The following SYCP2L variants were observed in gnomAD, a reference collection of about 807,000 sequenced individuals.
SYCP2L encodes the protein synaptonemal complex protein 2 like.
SYCP2L carries 98 observed loss-of-function variants against 125.8 expected under a neutral mutation model. That is an observed-to-expected ratio of 0.78 (90% CI 0.66 to 0.92). The LOEUF (loss-of-function observed/expected upper bound fraction) is 0.92, where lower values mean the gene tolerates loss of function less well. Ranked by LOEUF, SYCP2L falls within the 40% of genes least tolerant of loss-of-function variation. The pLI, the probability that SYCP2L is intolerant of heterozygous loss-of-function variation, is 0.00. For missense variants in SYCP2L, 842 were observed against 936.4 expected (o/e 0.90, Z 1.32); for synonymous variants, 317 against 325.4 (o/e 0.97, Z 0.28).
chr6:10,946,202 T>C (rs1183727898), intron 23 of SYCP2L, among the ~76,000 whole-genome samples: 1 of 152,160 alleles, frequency 6.6e-6, no homozygotes, highest in Non-Finnish European at 1.5e-5. Context: ...TTTGCATAAG[T>C]ATTTTTATTG....
At chr6:10,953,426 A>C (rs1781445655) in intron 23 of SYCP2L, among the ~76,000 whole-genome samples, 1 of 152,152 alleles carries the variant, frequency 6.6e-6, no homozygotes, top group South Asian at 2.1e-4. Flanking sequence ...AATTTGTAGC[A>C]ATAGCCCAAA....
At position 10,954,407 on chromosome 6, in the gene SYCP2L, AGAGG is replaced by A. The variant is rs1327680833; in HGVS notation, c.1955-702_1955-699del. On this transcript the variant is annotated intron_variant, in intron 23 of 29. Coordinates refer to ENST00000283141, the MANE Select transcript of SYCP2L (RefSeq NM_001040274.3). This position sits in a 1 kb window ranked among gnomAD's most constrained non-coding sequence, Gnocchi z 4.8. The stretch of plus-strand genomic sequence containing the variant: ...GAGATGGCTTTGGGCAGGAACTCAG[AGAGG>A]GAGGGATTCATTCCATAGGCAGAAC... Among the ~76,000 whole-genome samples the A allele has an allele frequency of 1.3e-5, 2 of 152,122 alleles. No homozygotes were observed. The highest frequency in any genetic ancestry group is 2.9e-5 in the Non-Finnish European group (2 of 68,010).
chr6:10,939,808 T>C (rs917657596), intron 21 of SYCP2L, among the ~76,000 whole-genome samples: 2 of 152,230 alleles, frequency 1.3e-5, no homozygotes, highest in African/African-American at 2.4e-5. Flanking sequence ...TAGCAATGAT[T>C]TCTTGCATAC....
chr6:10,919,763 G>T (rs1423694273), intron 14 of SYCP2L, among the ~76,000 whole-genome samples: 3 of 152,126 alleles, frequency 2.0e-5, no homozygotes, highest in Non-Finnish European at 4.4e-5. Context: ...CTGCTGTGGG[G>T]ATATGGGTGA....
At chr6:10,966,195 A>G (rs542393977) in intron 29 of SYCP2L, among the ~76,000 whole-genome samples, 1 of 152,346 alleles carries the variant, frequency 6.6e-6, no homozygotes, top group East Asian at 1.9e-4. Context: ...AACAGAATTT[A>G]GCAGCATATT....
At chr6:10,971,727 G>A (rs1042270667) in intron 29 of SYCP2L, among the ~76,000 whole-genome samples, 5 of 151,906 alleles carry the variant, frequency 3.3e-5, no homozygotes, top group Non-Finnish European at 5.9e-5. Flanking sequence ...TCTTGTTGCC[G>A]AGGCTGGAGT....
intron 9 of SYCP2L, among the ~76,000 whole-genome samples, chr6:10,906,442 C>G (rs1780491435): frequency 6.6e-6 from 1 of 152,180 alleles, no homozygotes; most frequent in South Asian, 2.1e-4. Context: ...CCCTAAACAA[C>G]ATGCATTATC....
chr6:10,926,267 T>C, intron 15 of SYCP2L, 72 bp from the exon 16 acceptor site: 2 of 1,120,272 alleles, frequency 1.8e-6, no homozygotes, highest in South Asian at 2.6e-5. Flanking sequence ...TTCTAAGCTT[T>C]ACGTTTTCCT....
chr6:10,923,521 G>A (rs984039416), intron 14 of SYCP2L, among the ~76,000 whole-genome samples: 2 of 151,182 alleles, frequency 1.3e-5, no homozygotes, highest in Non-Finnish European at 2.9e-5. Context: ...GAGTAGCTGG[G>A]ATTACAGGGG....
At chr6:10,962,681 G>GA in intron 28 of SYCP2L, among the ~76,000 whole-genome samples, 2 of 152,048 alleles carry the variant, frequency 1.3e-5, no homozygotes, top group Non-Finnish European at 2.9e-5. Context: ...ATAAATAACA[G>GA]ATTTATATGA....
At chr6:10,955,041 C>A in intron 23 of SYCP2L, 75 bp from the exon 24 acceptor site, 1 of 1,002,736 alleles carries the variant, frequency 1.0e-6, no homozygotes, top group Non-Finnish European at 1.6e-6. Flanking sequence ...GTACTCTTCA[C>A]AGTAAGACAT....
intron 1 of SYCP2L, 81 bp from the exon 2 acceptor site, chr6:10,891,432 T>G: frequency 1.2e-6 from 1 of 856,566 alleles, no homozygotes; most frequent in Non-Finnish European, 1.7e-6. Context: ...TTTTTTTTTT[T>G]TTTTTTGCTT....
chr6:10,939,039 G>T (rs546686128), intron 21 of SYCP2L, among the ~76,000 whole-genome samples: 53 of 152,108 alleles, frequency 3.5e-4, no homozygotes, highest in African/African-American at 1.2e-3. Flanking sequence ...AGAATTGCTT[G>T]AATCCAGGAG....
chr6:10,963,385 G>A (rs1781624198), intron 28 of SYCP2L: 2 of 210,084 alleles, frequency 9.5e-6, no homozygotes, highest in Non-Finnish European at 1.9e-5. Context: ...CCTCATTCAA[G>A]GTCAAACAGG....
At chr6:10,968,575 C>A (rs892620225) in intron 29 of SYCP2L, among the ~76,000 whole-genome samples, 12 of 152,078 alleles carry the variant, frequency 7.9e-5, no homozygotes, top group African/African-American at 2.7e-4. Flanking sequence ...CTTCAGAAAC[C>A]AGCCATGTTT....
intron 4 of SYCP2L, among the ~76,000 whole-genome samples, 163 bp downstream of exon 4, chr6:10,894,367 G>A (rs1780223235): frequency 6.6e-6 from 1 of 152,110 alleles, no homozygotes; most frequent in South Asian, 2.1e-4. Context: ...AATTAAATTC[G>A]ACATACATTT....
intron 23 of SYCP2L, among the ~76,000 whole-genome samples, chr6:10,944,718 T>A (rs1383302759): frequency 1.3e-5 from 2 of 152,102 alleles, no homozygotes; most frequent in African/African-American, 2.4e-5. Flanking sequence ...TTTTATTTTT[T>A]AATTTTTTTA....
intron 21 of SYCP2L, among the ~76,000 whole-genome samples, chr6:10,937,652 G>A (rs1205762954): frequency 6.6e-6 from 1 of 152,058 alleles, no homozygotes; most frequent in Non-Finnish European, 1.5e-5. Flanking sequence ...TGTTTGGAAA[G>A]AATGAAATTG....
intron 8 of SYCP2L, among the ~76,000 whole-genome samples, chr6:10,904,759 G>A (rs907889321): frequency 6.6e-5 from 10 of 152,082 alleles, no homozygotes; most frequent in African/African-American, 7.2e-5. Context: ...GTAACAAGTC[G>A]AGCTGCTTCT....
Sources: allele counts gnomAD v4.1 joint callset (sites outside exome capture counted in the v4.1 genomes callset), GRCh38; gene constraint gnomAD v4.1.1; non-coding constraint Gnocchi (gnomAD v3.1); transcripts MANE v1.5; gene names NCBI Gene and HGNC (gene_info 2026-07-23, HGNC 2026-07-21).